The following GRIK1 variants were observed in gnomAD, a reference collection of about 807,000 sequenced individuals.
GRIK1 encodes the protein glutamate receptor ionotropic, kainate 1.
In GRIK1, 69 loss-of-function variants were observed where a neutral mutation model predicts 105.7. The observed-to-expected ratio is 0.65, with a 90% CI of 0.54 to 0.80. The LOEUF is 0.80. Ranked by LOEUF, GRIK1 falls within the 30% of genes least tolerant of loss-of-function variation. GRIK1 has a pLI of 0.00. For missense variants in GRIK1, 1,109 were observed against 1,167.3 expected (o/e 0.95, Z 0.73); for synonymous variants, 438 against 431.3 (o/e 1.02, Z -0.19).
chr21:29,932,527 A>G (rs1169690242), intron 1 of GRIK1, among the ~76,000 whole-genome samples: 4 of 152,056 alleles, frequency 2.6e-5, no homozygotes, highest in Non-Finnish European at 5.9e-5. Flanking sequence ...CCTTTTTAAA[A>G]ATTTTCCTCT....
At chr21:29,891,593 A>T (rs905645708) in intron 1 of GRIK1, among the ~76,000 whole-genome samples, 1 of 152,208 alleles carries the variant, frequency 6.6e-6, no homozygotes, top group Admixed American at 6.5e-5. Flanking sequence ...TTACTATAAA[A>T]CAGTAGATTT....
In GRIK1 at chr21:29,663,480, T is replaced by G. The variant is rs552268264; in HGVS notation, c.727-8617A>C. Among the ~76,000 whole-genome samples, 6 of 152,318 alleles carry G rather than the reference T, an allele frequency of 3.9e-5. No homozygotes were observed. The East Asian group carries it at 1.2e-3, about 29-fold the overall frequency. On this transcript the variant is annotated intron_variant, in intron 4 of 17. Coordinates refer to ENST00000327783, the MANE Select transcript of GRIK1 (RefSeq NM_001330994.2). ...CTCACAGTTCTTCTTCTGTAAGAAT[T>G]CAGACCTACCTTGATCTCCTATTAT...
At chr21:29,600,624 T>G (rs2061500682) in intron 7 of GRIK1, among the ~76,000 whole-genome samples, 2 of 152,244 alleles carry the variant, frequency 1.3e-5, no homozygotes, top group Admixed American at 1.3e-4. Context: ...CACGTATATA[T>G]GTTGAATGTA....
In GRIK1 at chr21:29,939,603, CG is replaced by C; in HGVS notation, c.-104del. 1 of 675,076 alleles carries C rather than the reference CG, an allele frequency of 1.5e-6. No individual in the cohort carries two copies. The highest frequency in any genetic ancestry group is 2.0e-5 in the South Asian group (1 of 50,564). 41.8% of individuals were successfully genotyped at this position (675,076 alleles called of 1,614,324 possible). On this transcript the variant is annotated 5_prime_UTR_variant, in exon 1 of 18. Transcript: ENST00000327783. ...CCCGCCTCATCCTCTCTGGATGCTC[CG>C]GTTCCAAGCACGCTGCGCGCTCCCC... is the stretch of plus-strand genomic sequence containing the variant.
At chr21:29,689,604 C>T (rs376621471) in intron 3 of GRIK1, 124 bp downstream of exon 3, 3 of 776,470 alleles carry the variant, frequency 3.9e-6, no homozygotes, top group African/African-American at 1.7e-5. Context: ...TCAGAATATT[C>T]AGTTAGCTTT....
In GRIK1 at chr21:29,555,157, A is replaced by G. The variant is rs1181868322; in HGVS notation, c.2502T>C (p.Asn834=). The change falls in exon 16 of 18, where the codon AAT becomes AAC. Residue 834 remains asparagine, a synonymous_variant. Transcript: ENST00000327783. ...CCAGAACAATGAAGATGCCTCCAAT[A>G]TTTTCCACTCCCAGGGCACTGGCTT... The part of the protein sequence containing the change: ...NKEASALGVE[N]IGGIFIVLAA... 5.0e-6 allele frequency: 8 copies of G among 1,613,766 alleles called. No homozygotes were observed. Among genetic ancestry groups the G allele is most frequent in the Non-Finnish European group, 5.1e-6 (6 of 1,179,864 alleles).
intron 1 of GRIK1, among the ~76,000 whole-genome samples, chr21:29,816,661 G>A (rs1261429967): frequency 2.6e-5 from 4 of 152,080 alleles, no homozygotes; most frequent in African/African-American, 7.2e-5. Context: ...AGAACTGGAG[G>A]TCATTATGTT....
chr21:29,867,872 GAGAA>G (rs1312996325), intron 1 of GRIK1, among the ~76,000 whole-genome samples: 7 of 15,752 alleles, frequency 4.4e-4, no homozygotes, highest in Admixed American at 9.3e-4. Flanking sequence ...GAGAGAAAGA[GAGAA>G]AGAGAGAGAA....
chr21:29,937,019 A>T (rs2071781891), intron 1 of GRIK1, among the ~76,000 whole-genome samples: 1 of 152,140 alleles, frequency 6.6e-6, no homozygotes, highest in East Asian at 1.9e-4. Flanking sequence ...TGGATGGGTG[A>T]TGGTTTGTTG....
intron 1 of GRIK1, chr21:29,761,542 A>G (rs1008038391): frequency 1.3e-5 from 2 of 152,192 alleles, no homozygotes; most frequent in Non-Finnish European, 2.9e-5. Flanking sequence ...AAAAAAGCAA[A>G]TCATGCTATA....
At chr21:29,853,588 G>A (rs746718229) in intron 1 of GRIK1, among the ~76,000 whole-genome samples, 3 of 152,152 alleles carry the variant, frequency 2.0e-5, no homozygotes, top group Non-Finnish European at 2.9e-5. Flanking sequence ...CCCCAATCTA[G>A]CTTTTTGGAG....
intron 1 of GRIK1, among the ~76,000 whole-genome samples, chr21:29,817,978 G>A (rs770097122): frequency 2.0e-5 from 3 of 152,034 alleles, no homozygotes; most frequent in Non-Finnish European, 4.4e-5. Context: ...TGGCAGATGA[G>A]TGACAGAGTA....
chr21:29,878,308 A>C (rs529872509), intron 1 of GRIK1, among the ~76,000 whole-genome samples: 2 of 152,178 alleles, frequency 1.3e-5, no homozygotes, highest in African/African-American at 4.8e-5. Flanking sequence ...GGTCAACGCA[A>C]AAAGCATTTA....
intron 1 of GRIK1, among the ~76,000 whole-genome samples, chr21:29,754,993 C>G (rs977776758): frequency 6.6e-6 from 1 of 152,150 alleles, no homozygotes; most frequent in African/African-American, 2.4e-5. Flanking sequence ...TATTATCTAT[C>G]TATCTTGGTT....
At chr21:29,588,099 C>T (rs1005617823) in intron 11 of GRIK1, among the ~76,000 whole-genome samples, 2 of 149,880 alleles carry the variant, frequency 1.3e-5, no homozygotes, top group African/African-American at 2.5e-5. Flanking sequence ...CTCAGCCTAC[C>T]GAGTAGCTGG....
At chr21:29,812,475 A>G (rs1351060608) in intron 1 of GRIK1, among the ~76,000 whole-genome samples, 2 of 152,086 alleles carry the variant, frequency 1.3e-5, no homozygotes, top group East Asian at 1.9e-4. Context: ...CTCAAACTGT[A>G]TTTTTTGAAT....
At chr21:29,922,705 A>C (rs1221373546) in intron 1 of GRIK1, among the ~76,000 whole-genome samples, 1 of 152,236 alleles carries the variant, frequency 6.6e-6, no homozygotes, top group Non-Finnish European at 1.5e-5. Context: ...ACTTTGCTTA[A>C]AAATGACTAA....
At chr21:29,570,298 C>A (rs894125693) in intron 14 of GRIK1, among the ~76,000 whole-genome samples, 2 of 151,912 alleles carry the variant, frequency 1.3e-5, no homozygotes, top group African/African-American at 4.8e-5. Flanking sequence ...GTCAGGAGTT[C>A]AAGACAAGCC....
chr21:29,664,124 T>TG (rs922900152), intron 4 of GRIK1, among the ~76,000 whole-genome samples: 32 of 152,270 alleles, frequency 2.1e-4, no homozygotes, highest in African/African-American at 7.5e-4. Context: ...ACTGGTTGGT[T>TG]GGGGGAAGAA....
Sources: allele counts gnomAD v4.1 joint callset (sites outside exome capture counted in the v4.1 genomes callset), GRCh38; gene constraint gnomAD v4.1.1; transcripts MANE v1.5; gene names NCBI Gene and HGNC (gene_info 2026-07-23, HGNC 2026-07-21).